PIGR: variants seen among roughly 807,000 people sequenced by gnomAD.
PIGR encodes the protein hepatocellular carcinoma associated protein TB6.
PIGR carries 22 observed loss-of-function variants against 69.5 expected under a neutral mutation model. The observed-to-expected ratio is 0.32, with a 90% CI of 0.23 to 0.45. PIGR has a LOEUF of 0.45. Ranked by LOEUF, PIGR falls within the 20% of genes least tolerant of loss-of-function variation. The pLI, the probability that PIGR is intolerant of heterozygous loss-of-function variation, is 1.00. For synonymous variants in PIGR, 413 were observed against 407.6 expected (o/e 1.01, Z -0.16); for missense variants, 885 against 974.0 (o/e 0.91, Z 1.22).
chr1:206,938,045 T>C (rs886564441), intron 3 of PIGR, among the ~76,000 whole-genome samples: 2 of 152,260 alleles, frequency 1.3e-5, no homozygotes, highest in East Asian at 3.8e-4. Context: ...TGGAAGTTCC[T>C]TGAAGGCTGG....
At position 206,939,195 on chromosome 1, in the gene PIGR, G is replaced by A. The variant is rs540706481; in HGVS notation, c.312C>T (p.Asp104=). ...VVNIAQLSQD[D]SGRYKCGLGI... ...CCAGGCCACACTTGTAGCGCCCGGA[G>A]TCATCCTGGCTCAGCTGGGCAATGT... The change falls in exon 3 of 11, where the codon GAC becomes GAT. Residue 104 remains aspartate (D), a synonymous_variant. Transcript: ENST00000356495. 1.2e-5 allele frequency: 20 copies of A among 1,614,192 alleles called. No homozygotes were observed. In the East Asian group the frequency reaches 2.9e-4, roughly 23 times the overall value.
intron 3 of PIGR, 58 bp downstream of exon 3, chr1:206,939,061 C>A: frequency 6.9e-7 from 1 of 1,439,302 alleles, no homozygotes; most frequent in South Asian, 1.3e-5. Flanking sequence ...GCCCTCCATG[C>A]ACCTTAGAGA....
intron 8 of PIGR, 26 bp from the exon 9 acceptor site, chr1:206,931,828 G>T: frequency 6.2e-7 from 1 of 1,613,790 alleles, no homozygotes; most frequent in African/African-American, 1.3e-5. Flanking sequence ...AGGAGTTGGT[G>T]TAAGGACAGG....
In PIGR at chr1:206,935,471, C is replaced by T; in HGVS notation, c.1378+15G>A. On this transcript the variant is annotated intron_variant, in intron 5 of 10. Transcript: ENST00000356495. This position sits in a 1 kb window ranked among gnomAD's most constrained non-coding sequence, Gnocchi z 4.4. ...GAGAGGTTTTAGAGCTTTCTCCCTC[C>T]CTGTCAACTCCTACCTTCGATAATC... The T allele has an allele frequency of 6.3e-7, 1 of 1,594,498 alleles. No individual in the cohort carries two copies. The highest frequency in any genetic ancestry group is 8.6e-7 in the Non-Finnish European group (1 of 1,165,428).
chr1:206,937,548 T>C lies in PIGR; in HGVS notation c.592A>G (p.Thr198Ala), dbSNP rs1444586479. 1 of 1,613,884 alleles carries C rather than the reference T, an allele frequency of 6.2e-7. No homozygotes were observed. The highest frequency in any genetic ancestry group is 1.3e-5 in the African/African-American group (1 of 74,940). ...ACAACGCTGAACAGTAACTGGCCAG[T>C]ACCCTGAATATCAAGGCGTATTCTT... The part of the protein sequence containing the change: ...TGRIRLDIQG[T>A]GQLLFSVVIN... Residue 198 changes from threonine (T) to alanine (A), a missense_variant, in exon 4 of 11, where the codon ACT becomes GCT. Transcript: ENST00000356495.
At chr1:206,933,529 A>G (rs1246085622) in intron 6 of PIGR, among the ~76,000 whole-genome samples, 1 of 152,222 alleles carries the variant, frequency 6.6e-6, no homozygotes, top group African/African-American at 2.4e-5. Flanking sequence ...CCCTGGAGGT[A>G]GCCTGGCGAT....
Position 206,930,448 on chromosome 1 carries a change from G to T in PIGR, c.2200-35C>A, listed in dbSNP as rs1263301735. On this transcript the variant is annotated intron_variant, in intron 10 of 10. Transcript: ENST00000356495. This position sits in a 1 kb window ranked among gnomAD's most constrained non-coding sequence, Gnocchi z 4.3. Reference sequence around the variant, plus strand: ...AAGAGGAGAGGCATCAGTGTTGGGGGCACTGGCTCAGTGGGTGGAGTCAGG... The same window carrying T: ...AAGAGGAGAGGCATCAGTGTTGGGGTCACTGGCTCAGTGGGTGGAGTCAGG... 3.8e-6 allele frequency: 6 copies of T among 1,598,910 alleles called. No individual in the cohort carries two copies. The highest frequency in any genetic ancestry group is 5.1e-6 in the Non-Finnish European group (6 of 1,172,790).
At chr1:206,943,991 T>C (rs745590474) in intron 1 of PIGR, among the ~76,000 whole-genome samples, 3 of 152,128 alleles carry the variant, frequency 2.0e-5, no homozygotes, top group Non-Finnish European at 4.4e-5. Flanking sequence ...GGTTGCACAG[T>C]TGGTAAGTGA....
In PIGR at chr1:206,935,794, G is replaced by T. The variant is rs1303259690; in HGVS notation, c.1070C>A (p.Thr357Asn). ...GCCTCCTGCCACCCCCTTCACCACA[G>T]TGGGGCTGCGGGGAATCGTGGACTC... The part of the protein sequence containing the change: ...NEESTIPRSP[T>N]VVKGVAGGSV... The change falls in exon 5 of 11, where the codon ACT (threonine) becomes AAT (asparagine). Residue 357 changes from threonine (T) to asparagine (N), a missense_variant. Transcript: ENST00000356495. The surrounding 1 kb of genome is among the most constrained non-coding windows in gnomAD (Gnocchi z 4.4). The T allele has an allele frequency of 1.9e-6, 3 of 1,606,066 alleles. No homozygotes were observed. The highest frequency in any genetic ancestry group is 2.7e-5 in the African/African-American group (2 of 74,790).
chr1:206,937,426 T>C lies in PIGR; in HGVS notation c.714A>G (p.Leu238=). The change falls in exon 4 of 11, where the codon CTA becomes CTG. Residue 238 remains leucine, a synonymous_variant. Coordinates refer to ENST00000356495, the MANE Select transcript of PIGR (RefSeq NM_002644.4). ...SNKKNADLQV[L]KPEPELVYED... is the part of the protein sequence containing the mutation. Reference sequence around the variant, plus strand: ...CATAAACCAGCTCGGGCTCGGGCTTTAGCACTTGGAGGTCAGCATTCTTCT... The same window carrying C: ...CATAAACCAGCTCGGGCTCGGGCTTCAGCACTTGGAGGTCAGCATTCTTCT... 1 of 1,614,176 alleles carries C rather than the reference T, an allele frequency of 6.2e-7. No individual in the cohort carries two copies. Among genetic ancestry groups the C allele is most frequent in the Admixed American group, 1.7e-5 (1 of 60,026 alleles).
In PIGR at chr1:206,939,211, T is replaced by C. The variant is rs1679933098; in HGVS notation, c.296A>G (p.Gln99Arg). 7 of 1,614,108 alleles carry C rather than the reference T, an allele frequency of 4.3e-6. No individual in the cohort carries two copies. The East Asian group carries it at 1.6e-4, about 36-fold the overall frequency. ...ENGTFVVNIA[Q>R]LSQDDSGRYK... Reference sequence around the variant, plus strand: ...GCGCCCGGAGTCATCCTGGCTCAGCTGGGCAATGTTCACCACAAATGTGCC... The same window carrying C: ...GCGCCCGGAGTCATCCTGGCTCAGCCGGGCAATGTTCACCACAAATGTGCC... Residue 99 changes from glutamine to arginine, a missense_variant, in exon 3 of 11, where the codon CAG becomes CGG. Physicochemically the swap from Gln to Arg is conservative, Grantham distance 43. Transcript: ENST00000356495.
In PIGR at chr1:206,937,523, A is replaced by G. The variant is rs764862576; in HGVS notation, c.617T>C (p.Val206Ala). The G allele has an allele frequency of 6.2e-6, 10 of 1,614,110 alleles. No individual in the cohort carries two copies. In the East Asian group the frequency reaches 2.2e-4, roughly 36 times the overall value. ...QGTGQLLFSV[V>A]INQLRLSDAG... ...ATCGCTGAGCCTGAGTTGGTTGATG[A>G]CAACGCTGAACAGTAACTGGCCAGT... The change falls in exon 4 of 11, where the codon GTC becomes GCC. Residue 206 changes from valine to alanine, a missense_variant. Val to Ala is a moderately conservative substitution (Grantham distance 64). Transcript: ENST00000356495.
intron 4 of PIGR, among the ~76,000 whole-genome samples, chr1:206,936,151 G>C (rs1363849127): frequency 6.6e-6 from 1 of 152,188 alleles, no homozygotes; most frequent in Non-Finnish European, 1.5e-5. Context: ...CCTCTGTGTA[G>C]GTTTTTGTCT....
rs1000853790 is a variant in PIGR at position 206,930,134 on chromosome 1, A to G, written c.*184T>C. On this transcript the variant is annotated 3_prime_UTR_variant, in exon 11 of 11. Transcript: ENST00000356495. This position sits in a 1 kb window ranked among gnomAD's most constrained non-coding sequence, Gnocchi z 4.3. Reference sequence around the variant, plus strand: ...CCTCCTCATGCCACCCTCATCCCCAATAGGAACAATTAGGCCAGGCTTTGA... The same window carrying G: ...CCTCCTCATGCCACCCTCATCCCCAGTAGGAACAATTAGGCCAGGCTTTGA... 35 of 467,892 alleles carry G rather than the reference A, an allele frequency of 7.5e-5. No homozygotes were observed. The highest frequency in any genetic ancestry group is 1.2e-4 in the Non-Finnish European group (33 of 268,278). The allele number at this position is 467,892 out of a possible 1,614,324, so 29.0% of individuals were successfully genotyped here.
Position 206,946,403 on chromosome 1 carries a change from C to A in PIGR, c.-121G>T, listed in dbSNP as rs1680107886. On this transcript the variant is annotated 5_prime_UTR_variant, in exon 1 of 11. Transcript: ENST00000356495. The stretch of plus-strand genomic sequence containing the variant: ...CACAGCCTGCTGGCCAGTTGGTAAC[C>A]CCTGCCTCTCTAGGAGCTACTGGCA... 1 of 152,282 alleles carries A rather than the reference C, an allele frequency of 6.6e-6. No homozygotes were observed. The highest frequency in any genetic ancestry group is 2.4e-5 in the African/African-American group (1 of 41,464). The allele number at this position is 152,282 out of a possible 1,614,324, so 9.4% of individuals were successfully genotyped here. A position where few individuals can be genotyped will look rare whatever the true frequency, so the allele number is the denominator to read the frequency against.
In PIGR at chr1:206,930,502, C is replaced by T. The variant is rs554408150; in HGVS notation, c.2200-89G>A. On this transcript the variant is annotated intron_variant, in intron 10 of 10. Transcript: ENST00000356495. The surrounding 1 kb of genome is among the most constrained non-coding windows in gnomAD (Gnocchi z 4.3). ...GGGGAGGTGCTTAATGTCCTGAATT[C>T]GTGATCTTGGTCCAAGCAACACAAG... 27 of 1,473,492 alleles carry T rather than the reference C, an allele frequency of 1.8e-5. No homozygotes were observed. The East Asian group carries it at 4.2e-4, about 23-fold the overall frequency. The allele number at this position is 1,473,492 out of a possible 1,614,324, so 91.3% of individuals were successfully genotyped here. A position where few individuals can be genotyped will look rare whatever the true frequency, so the allele number is the denominator to read the frequency against.
chr1:206,934,346 G>A, intron 6 of PIGR, 74 bp downstream of exon 6: 1 of 1,306,908 alleles, frequency 7.7e-7, no homozygotes, highest in Non-Finnish European at 1.1e-6. Flanking sequence ...TGATTGAGAA[G>A]CTCTCAGGCA....
Position 206,934,607 on chromosome 1 carries a change from C to A in PIGR, c.1518G>T (p.Leu506=), listed in dbSNP as rs1558012701. ...TGCTGGGGCCTTCGTCTTGGCTGGGCAGGGCCTGGCAGCCCGTGTTATTCC... is the reference window on the plus strand; with the variant it reads ...TGCTGGGGCCTTCGTCTTGGCTGGGAAGGGCCTGGCAGCCCGTGTTATTCC... ...CKWNNTGCQA[L]PSQDEGPSKA... The change falls in exon 6 of 11, where the codon CTG becomes CTT. Residue 506 remains leucine (L), a synonymous_variant. Transcript: ENST00000356495. 1 of 1,614,214 alleles carries A rather than the reference C, an allele frequency of 6.2e-7. No homozygotes were observed. Among genetic ancestry groups the A allele is most frequent in the South Asian group, 1.1e-5 (1 of 91,082 alleles).
chr1:206,931,898 T>C (rs1055004164), intron 8 of PIGR, 96 bp from the exon 9 acceptor site: 30 of 1,378,498 alleles, frequency 2.2e-5, no homozygotes, highest in Non-Finnish European at 3.0e-5. Context: ...ACTGTAGCCC[T>C]GCAGGACAGC....
Sources: gnomAD v4.1 joint callset for allele counts (sites outside exome capture counted in the v4.1 genomes callset) on GRCh38, gnomAD v4.1.1 for gene constraint, Gnocchi (gnomAD v3.1) non-coding constraint, MANE v1.5 for transcripts, NCBI Gene and HGNC (gene_info 2026-07-23, HGNC 2026-07-21) for gene names.